The following LRP1B variants were observed in gnomAD, a reference collection of about 807,000 sequenced individuals.
LRP1B encodes the protein low-density lipoprotein receptor-related protein 1B.
Under a neutral mutation model 556.6 loss-of-function variants are expected in LRP1B, and 217 were observed. The observed-to-expected ratio is 0.39, with a 90% CI of 0.35 to 0.44. The LOEUF (loss-of-function observed/expected upper bound fraction) is 0.44, where lower values mean the gene tolerates loss of function less well. LRP1B is among the 20% of genes least tolerant of loss of function. The probability of loss-of-function intolerance (pLI) is 1.00; values close to 1 mark genes in which losing one functional copy is unlikely to be tolerated. For synonymous variants in LRP1B, 2,047 were observed against 1,865.8 expected, an observed-to-expected ratio of 1.10 and a Z score of -2.50; for missense variants, 5,053 against 5,620.8, an observed-to-expected ratio of 0.90 and a Z score of 3.23.
intron 41 of LRP1B, among the ~76,000 whole-genome samples, chr2:140,685,861 T>C (rs1462708364): frequency 3.3e-5 from 5 of 152,036 alleles, no homozygotes; most frequent in Non-Finnish European, 7.4e-5. Context: ...GGAGATCTTA[T>C]AGATAAAAAT....
intron 7 of LRP1B, among the ~76,000 whole-genome samples, chr2:141,149,567 C>T (rs1450700062): frequency 6.6e-6 from 1 of 152,040 alleles, no homozygotes; most frequent in Admixed American, 6.6e-5. Flanking sequence ...TACCTTGATC[C>T]ACTTGAGACT....
intron 3 of LRP1B, among the ~76,000 whole-genome samples, chr2:141,428,115 CA>C (rs1277330800): frequency 2.0e-5 from 3 of 152,200 alleles, no homozygotes; most frequent in Admixed American, 6.5e-5. Context: ...ATATCACTAC[CA>C]TTTTTTTATG....
intron 6 of LRP1B, among the ~76,000 whole-genome samples, chr2:141,193,924 T>C (rs1681634579): frequency 6.6e-6 from 1 of 152,066 alleles, no homozygotes; most frequent in Non-Finnish European, 1.5e-5. Flanking sequence ...ATTGCTTAGG[T>C]CCCCTTCTCT....
intron 83 of LRP1B, among the ~76,000 whole-genome samples, chr2:140,306,437 G>T (rs1573764099): frequency 6.6e-6 from 1 of 152,082 alleles, no homozygotes; most frequent in South Asian, 2.1e-4. Flanking sequence ...TAGTTTATTT[G>T]CATAGAGGTG....
At chr2:140,492,843 T>C in intron 56 of LRP1B, 150 bp from the exon 57 acceptor site, 1 of 565,234 alleles carries the variant, frequency 1.8e-6, no homozygotes, top group African/African-American at 1.9e-5. Flanking sequence ...CTGAGCAACG[T>C]AGTTGGCAGT....
chr2:141,652,753 A>T (rs991583793), intron 2 of LRP1B, among the ~76,000 whole-genome samples: 1 of 152,176 alleles, frequency 6.6e-6, no homozygotes, highest in Non-Finnish European at 1.5e-5. Context: ...GGCAGGCAGA[A>T]TCCAAACTTT....
At chr2:141,177,651 A>G (rs1050510276) in intron 7 of LRP1B, among the ~76,000 whole-genome samples, 1 of 152,160 alleles carries the variant, frequency 6.6e-6, no homozygotes, top group Non-Finnish European at 1.5e-5. Flanking sequence ...TGAAGGGAAG[A>G]ATTGGCTGGT....
At chr2:140,344,593 A>T (rs1381924969) in intron 77 of LRP1B, among the ~76,000 whole-genome samples, 2 of 151,870 alleles carry the variant, frequency 1.3e-5, no homozygotes, top group African/African-American at 4.8e-5. Flanking sequence ...TATTTTAAAC[A>T]TGTGAAAAAT....
chr2:141,828,747 G>A (rs1697016750), intron 1 of LRP1B, among the ~76,000 whole-genome samples: 1 of 152,122 alleles, frequency 6.6e-6, no homozygotes, highest in Non-Finnish European at 1.5e-5. Context: ...GCCCCATAGG[G>A]ATGACAGTAA....
chr2:141,886,816 G>A (rs996697858), intron 1 of LRP1B, among the ~76,000 whole-genome samples: 1 of 151,762 alleles, frequency 6.6e-6, no homozygotes, highest in Admixed American at 6.6e-5. Context: ...TCCTTAAATT[G>A]TTCAACTCGA....
At position 140,742,522 on chromosome 2, in the gene LRP1B, C is replaced by T. The variant is rs571672679; in HGVS notation, c.5759-25706G>A. 2.0e-5 allele frequency among the ~76,000 whole-genome samples: 3 copies of T among 152,206 alleles called. No individual in the cohort carries two copies. The South Asian group carries it at 6.2e-4, about 32-fold the overall frequency. ...AACAGACGACGAGAAGGAAACAATT[C>T]AACTGCTACATTTATTATGGCAGAA... On this transcript the variant is annotated intron_variant, in intron 35 of 90. Transcript: ENST00000389484.
intron 1 of LRP1B, among the ~76,000 whole-genome samples, chr2:142,122,246 G>C (rs1321542383): frequency 2.6e-5 from 4 of 152,054 alleles, no homozygotes. Context: ...GTCAAAATGT[G>C]CTAAGATGTT....
chr2:141,467,310 T>C (rs1682269781), intron 3 of LRP1B, among the ~76,000 whole-genome samples: 1 of 151,772 alleles, frequency 6.6e-6, no homozygotes, highest in Non-Finnish European at 1.5e-5. Context: ...GTTTGGAAAC[T>C]TTAAAACTAT....
chr2:141,696,010 C>A (rs890459728), intron 2 of LRP1B, among the ~76,000 whole-genome samples: 3 of 151,888 alleles, frequency 2.0e-5, no homozygotes, highest in East Asian at 3.9e-4. Context: ...TCTTGTATAT[C>A]AAAACCTTGC....
At chr2:140,743,756 G>A (rs288129) in intron 35 of LRP1B, among the ~76,000 whole-genome samples, 36 of 151,456 alleles carry the variant, frequency 2.4e-4, no homozygotes, top group African/African-American at 8.0e-4. Flanking sequence ...TCAGGGGTTC[G>A]AGACCATCCT....
chr2:141,853,851 T>C (rs1273558800), intron 1 of LRP1B, among the ~76,000 whole-genome samples: 3 of 152,014 alleles, frequency 2.0e-5, no homozygotes, highest in Admixed American at 6.6e-5. Context: ...CATTTGAGTA[T>C]TGGCACATTT....
intron 2 of LRP1B, among the ~76,000 whole-genome samples, chr2:141,572,397 AC>A (rs1686561591): frequency 6.6e-6 from 1 of 152,198 alleles, no homozygotes; most frequent in South Asian, 2.1e-4. Context: ...TTTTGTTGCC[AC>A]CAGGCCTGCC....
chr2:140,455,906 G>A (rs1234611896), intron 62 of LRP1B, among the ~76,000 whole-genome samples: 1 of 152,138 alleles, frequency 6.6e-6, no homozygotes, highest in Non-Finnish European at 1.5e-5. Flanking sequence ...AAATTTGAAA[G>A]TAATAAAATC....
rs561247774 is a variant in LRP1B, at chr2:141,033,667, T to C, written c.1790-13565A>G. ...AGAGTAACTGCCATGATGGAATTAG[T>C]GTCCTTCTAAGAGGAAGAGGCCAGA... On this transcript the variant is annotated intron_variant, in intron 11 of 90. Transcript: ENST00000389484. Among the ~76,000 whole-genome samples, 11 of 152,156 alleles carry C rather than the reference T, an allele frequency of 7.2e-5. No individual in the cohort carries two copies. In the South Asian group the frequency reaches 2.3e-3, roughly 32 times the overall value.
Sources: gnomAD v4.1 joint callset for allele counts (sites outside exome capture counted in the v4.1 genomes callset) on GRCh38, gnomAD v4.1.1 for gene constraint, MANE v1.5 for transcripts, NCBI Gene and HGNC (gene_info 2026-07-23, HGNC 2026-07-21) for gene names.